The following PALLD variants were observed in gnomAD, a reference collection of about 807,000 sequenced individuals.
PALLD encodes palladin.
PALLD carries 61 observed loss-of-function variants against 123.5 expected under a neutral mutation model. The ratio of observed to expected loss-of-function variants is 0.49; its 90% CI spans 0.40 to 0.61. The LOEUF (loss-of-function observed/expected upper bound fraction) is 0.61, where lower values mean the gene tolerates loss of function less well. Ranked by LOEUF, PALLD falls within the 20% of genes least tolerant of loss-of-function variation. The pLI, the probability that PALLD is intolerant of heterozygous loss-of-function variation, is 0.00. For missense variants in PALLD, 1,273 were observed against 1,377.0 expected (o/e 0.92, Z 1.20); for synonymous variants, 465 against 496.4 (o/e 0.94, Z 0.84).
chr4:168,919,564 T>C (rs1003925218), intron 17 of PALLD, among the ~76,000 whole-genome samples: 4 of 146,124 alleles, frequency 2.7e-5, no homozygotes, highest in African/African-American at 1.0e-4. Flanking sequence ...CATGTACAGA[T>C]AGATCAGGAA....
intron 10 of PALLD, among the ~76,000 whole-genome samples, chr4:168,793,455 T>C (rs1392763214): frequency 2.0e-5 from 3 of 151,780 alleles, no homozygotes; most frequent in African/African-American, 7.3e-5. Flanking sequence ...CTAGTTAAAT[T>C]ACTTAACTCT....
intron 2 of PALLD, among the ~76,000 whole-genome samples, chr4:168,612,715 A>T (rs11132381): frequency 0.091 from 13,800 of 152,040 alleles, 796 homozygotes; most frequent in Non-Finnish European, 0.12. Flanking sequence ...ATATCTATAA[A>T]TTTTTTTCCT....
intron 14 of PALLD, among the ~76,000 whole-genome samples, chr4:168,900,854 A>G (rs1050594046): frequency 6.6e-6 from 1 of 152,238 alleles, no homozygotes; most frequent in African/African-American, 2.4e-5. Context: ...AACGAAATTC[A>G]ATAAGGAATT....
intron 2 of PALLD, among the ~76,000 whole-genome samples, chr4:168,530,020 T>C (rs1764454739): frequency 1.3e-5 from 2 of 152,230 alleles, no homozygotes; most frequent in African/African-American, 4.8e-5. Flanking sequence ...TTATATTTCA[T>C]TATTACTATG....
intron 10 of PALLD, among the ~76,000 whole-genome samples, chr4:168,784,020 G>A (rs532938277): frequency 1.8e-3 from 276 of 152,216 alleles, no homozygotes; most frequent in African/African-American, 6.5e-3. Context: ...CAAGGCAGGA[G>A]GATAACTTGA....
At chr4:168,822,596 C>T (rs983929475) in intron 10 of PALLD, among the ~76,000 whole-genome samples, 1 of 152,152 alleles carries the variant, frequency 6.6e-6, no homozygotes, top group East Asian at 1.9e-4. Context: ...TTTGTTAAGC[C>T]TTTTAAGGGT....
At chr4:168,817,713 AC>A (rs1040028250) in intron 10 of PALLD, among the ~76,000 whole-genome samples, 3 of 152,110 alleles carry the variant, frequency 2.0e-5, no homozygotes, top group African/African-American at 7.2e-5. Flanking sequence ...ATTTGAAACA[AC>A]CTTTTTTTGT....
In PALLD at chr4:168,673,678, G is replaced by A. The variant is rs77257243; in HGVS notation, c.1087+5310G>A. Among the ~76,000 whole-genome samples the A allele has an allele frequency of 1.6e-3, 238 of 152,302 alleles. 3 individuals carry two copies. In the East Asian group the frequency reaches 0.036, roughly 23 times the overall value. ...TCAGGAGGATATGGCGGAGATGAGG[G>A]AGTGAGTCAGATTCGAGTTGGGTTC... On this transcript the variant is annotated intron_variant, in intron 3 of 21. Coordinates refer to ENST00000505667, the MANE Select transcript of PALLD (RefSeq NM_001166108.2).
chr4:168,910,220 C>CTTTTT (rs70961563), intron 15 of PALLD, among the ~76,000 whole-genome samples: 2 of 114,010 alleles, frequency 1.8e-5, no homozygotes, highest in Non-Finnish European at 1.8e-5. Flanking sequence ...AACCTGTTTA[C>CTTTTT]TTTTTTTTTT....
intron 6 of PALLD, among the ~76,000 whole-genome samples, chr4:168,689,933 A>G (rs1020092275): frequency 4.6e-5 from 7 of 152,202 alleles, no homozygotes; most frequent in Non-Finnish European, 5.9e-5. Flanking sequence ...TTAATTTCTG[A>G]TCTGTTGGAT....
chr4:168,583,793 G>GACCT (rs1448677687), intron 2 of PALLD, among the ~76,000 whole-genome samples: 1 of 152,014 alleles, frequency 6.6e-6, no homozygotes, highest in Admixed American at 6.6e-5. Context: ...GCTCTGCTGG[G>GACCT]TGGCCAATGG....
intron 10 of PALLD, among the ~76,000 whole-genome samples, chr4:168,880,325 C>T (rs1001251428): frequency 6.6e-6 from 1 of 152,114 alleles, no homozygotes; most frequent in African/African-American, 2.4e-5. Flanking sequence ...ATGGAGAAGT[C>T]GTGCCGATTT....
At position 168,711,828 on chromosome 4, in the gene PALLD, T is replaced by G. The variant is rs749457222; in HGVS notation, c.1869T>G (p.Ile623Met). ...VHPSRGVNGL[I>M]NGKANSNKSL... Reference sequence around the variant, plus strand: ...CCAGCCGTGGAGTAAATGGACTGATTAACGGCAAAGCTAACAGTAATAAAT... The same window carrying G: ...CCAGCCGTGGAGTAAATGGACTGATGAACGGCAAAGCTAACAGTAATAAAT... Residue 623 changes from isoleucine to methionine, a missense_variant, in exon 10 of 22, where the codon ATT (isoleucine) becomes ATG (methionine). By Grantham distance (10) the Ile-to-Met change is conservative. Coordinates refer to ENST00000505667, the MANE Select transcript of PALLD (RefSeq NM_001166108.2). 1.2e-6 allele frequency: 2 copies of G among 1,614,112 alleles called. No individual in the cohort carries two copies. Among genetic ancestry groups the G allele is most frequent in the Non-Finnish European group, 8.5e-7 (1 of 1,180,004 alleles).
rs201284797 is a variant in PALLD at position 168,783,048 on chromosome 4, G to A, written c.1964+71125G>A. Among the ~76,000 whole-genome samples, 181 of 66,826 alleles carry A rather than the reference G, an allele frequency of 2.7e-3. 2 individuals are homozygous for A. Among genetic ancestry groups the A allele is most frequent in the East Asian group, 0.018 (54 of 2,932 alleles). 43.8% of individuals were successfully genotyped at this position (66,826 alleles called of 152,430 possible). Reference sequence around the variant, plus strand: ...CTACTCACAAATTTTATATATATATGTGTGTGTGTGTGTGTGTGTGTGTGT... The same window carrying A: ...CTACTCACAAATTTTATATATATATATGTGTGTGTGTGTGTGTGTGTGTGT... On this transcript the variant is annotated intron_variant, in intron 10 of 21. Transcript: ENST00000505667.
chr4:168,571,952 C>T (rs1769033243), intron 2 of PALLD, among the ~76,000 whole-genome samples: 1 of 152,118 alleles, frequency 6.6e-6, no homozygotes, highest in Admixed American at 6.6e-5. Flanking sequence ...CCAGGCCGGG[C>T]ATGGTGGTTC....
intron 2 of PALLD, among the ~76,000 whole-genome samples, chr4:168,615,469 G>A (rs947015658): frequency 7.9e-5 from 12 of 152,216 alleles, no homozygotes; most frequent in African/African-American, 2.9e-4. Flanking sequence ...TATCTGGCCC[G>A]AGTCCATTTA....
chr4:168,571,953 A>G (rs185589612), intron 2 of PALLD, among the ~76,000 whole-genome samples: 3 of 152,280 alleles, frequency 2.0e-5, no homozygotes, highest in African/African-American at 7.2e-5. Flanking sequence ...CAGGCCGGGC[A>G]TGGTGGTTCA....
intron 2 of PALLD, among the ~76,000 whole-genome samples, chr4:168,542,310 G>A (rs1371506206): frequency 6.6e-6 from 1 of 151,986 alleles, no homozygotes; most frequent in African/African-American, 2.4e-5. Context: ...CAGCTACTCG[G>A]GAGGCTGAGA....
chr4:168,620,383 A>T (rs1165062191), intron 2 of PALLD, among the ~76,000 whole-genome samples: 1 of 152,180 alleles, frequency 6.6e-6, no homozygotes, highest in Admixed American at 6.5e-5. Context: ...TGAACTCGGG[A>T]GGCAGAGGTT....
Sources: gnomAD v4.1 joint callset for allele counts (sites outside exome capture counted in the v4.1 genomes callset) on GRCh38, gnomAD v4.1.1 for gene constraint, MANE v1.5 for transcripts, NCBI Gene and HGNC (gene_info 2026-07-23, HGNC 2026-07-21) for gene names.